The following RAB37 variants were observed in gnomAD, a reference collection of about 807,000 sequenced individuals.
The protein encoded by RAB37 is ras-related protein Rab-37.
In RAB37, 29 loss-of-function variants were observed where a neutral mutation model predicts 33.1. The observed-to-expected ratio is 0.88, with a 90% CI of 0.65 to 1.20. RAB37 has a LOEUF of 1.20. RAB37 is among the 50% of genes most tolerant of loss of function. The pLI is 0.00. For synonymous variants in RAB37, 128 were observed against 119.5 expected (o/e 1.07, Z -0.47); for missense variants, 299 against 301.1 (o/e 0.99, Z 0.05).
chr17:74,675,263 C>A (rs767685273), intron 1 of RAB37, among the ~76,000 whole-genome samples: 1 of 151,868 alleles, frequency 6.6e-6, no homozygotes, highest in Non-Finnish European at 1.5e-5. Flanking sequence ...GGTGAAACCC[C>A]ATTTCTACTA....
At chr17:74,707,491 G>C (rs2033612275) in intron 1 of RAB37, among the ~76,000 whole-genome samples, 1 of 152,192 alleles carries the variant, frequency 6.6e-6, no homozygotes, top group Admixed American at 6.5e-5. Flanking sequence ...ACATTGGGTG[G>C]ATCATCTGAA....
At chr17:74,715,647 C>G (rs1006899384) in intron 1 of RAB37, among the ~76,000 whole-genome samples, 1 of 152,212 alleles carries the variant, frequency 6.6e-6, no homozygotes, top group African/African-American at 2.4e-5. Context: ...ACAGCACTGT[C>G]TGTTAGAACT....
chr17:74,728,728 A>G (rs994627080), intron 1 of RAB37, among the ~76,000 whole-genome samples: 6 of 148,736 alleles, frequency 4.0e-5, no homozygotes, highest in Non-Finnish European at 8.9e-5. Context: ...CTGTGCATAT[A>G]TGTGTACATG....
chr17:74,728,617 G>T (rs1248580268), intron 1 of RAB37, among the ~76,000 whole-genome samples: 1 of 151,364 alleles, frequency 6.6e-6, no homozygotes, highest in Non-Finnish European at 1.5e-5. Context: ...TTATGTGTGT[G>T]TGCCTCTGTA....
chr17:74,696,119 C>A (rs377688088), intron 1 of RAB37: 66 of 1,536,204 alleles, frequency 4.3e-5, no homozygotes, highest in Non-Finnish European at 5.5e-5. Flanking sequence ...TATTTTGGAC[C>A]TTCTGAGAGA....
chr17:74,729,510 G>T lies in RAB37; in HGVS notation c.183+144G>T, dbSNP rs2034358598. 1.6e-5 allele frequency: 11 copies of T among 688,002 alleles called. No homozygotes were observed. The South Asian group carries it at 1.8e-4, about 11-fold the overall frequency. 42.6% of individuals were successfully genotyped at this position (688,002 alleles called of 1,614,324 possible). A position where few individuals can be genotyped will look rare whatever the true frequency, so the allele number is the denominator to read the frequency against. On this transcript the variant is annotated intron_variant, in intron 2 of 7. Transcript: ENST00000340415. The surrounding 1 kb of genome is among the most constrained non-coding windows in gnomAD (Gnocchi z 4.2). Reference sequence around the variant, plus strand: ...GAGAAGACTGTTCCCCAAGGTGTAGGAGGGTGTTGGGTGACCAGGAGGGAG... The same window carrying T: ...GAGAAGACTGTTCCCCAAGGTGTAGTAGGGTGTTGGGTGACCAGGAGGGAG...
intron 1 of RAB37, chr17:74,704,468 T>A (rs776117723): frequency 5.0e-6 from 8 of 1,594,324 alleles, no homozygotes; most frequent in Non-Finnish European, 2.6e-6. Flanking sequence ...ATATATACAC[T>A]CCCTCTTACC....
upstream of RAB37, chr17:74,736,751 C>T (rs542601768): frequency 3.9e-6 from 6 of 1,535,710 alleles, no homozygotes; most frequent in South Asian, 5.9e-5. Flanking sequence ...GGTTGGTAAA[C>T]AAAACTATAT....
intron 1 of RAB37, among the ~76,000 whole-genome samples, chr17:74,681,268 A>T (rs949824681): frequency 6.6e-6 from 1 of 152,202 alleles, no homozygotes; most frequent in Non-Finnish European, 1.5e-5. Flanking sequence ...GAGGCTGCCA[A>T]CTTCTGGCTC....
intron 1 of RAB37, chr17:74,703,075 T>C: frequency 6.2e-7 from 1 of 1,614,036 alleles, no homozygotes; most frequent in South Asian, 1.1e-5. Context: ...GGGGAGCTGC[T>C]AGTTTCTTCT....
At chr17:74,707,616 G>A (rs993099530) in intron 1 of RAB37, among the ~76,000 whole-genome samples, 1 of 151,980 alleles carries the variant, frequency 6.6e-6, no homozygotes, top group African/African-American at 2.4e-5. Flanking sequence ...TTGGGAGGCT[G>A]AGGTGGGAGA....
intron 1 of RAB37, among the ~76,000 whole-genome samples, chr17:74,699,361 G>A (rs554763909): frequency 2.6e-5 from 4 of 152,244 alleles, no homozygotes; most frequent in South Asian, 2.1e-4. Context: ...GTTGAATAGC[G>A]TCCTCTTCCC....
upstream of RAB37, among the ~76,000 whole-genome samples, chr17:74,734,803 C>T (rs1174387597): frequency 6.6e-6 from 1 of 150,974 alleles, no homozygotes; most frequent in Non-Finnish European, 1.5e-5. Flanking sequence ...GAGCCAAGAT[C>T]GTGCCACTTA....
At chr17:74,727,113 T>C (rs1390997438) in intron 1 of RAB37, among the ~76,000 whole-genome samples, 7 of 152,232 alleles carry the variant, frequency 4.6e-5, no homozygotes, top group African/African-American at 1.7e-4. Context: ...TCCCCCTCTT[T>C]TCCCAGAATC....
chr17:74,716,860 G>A (rs900127751), intron 1 of RAB37, among the ~76,000 whole-genome samples: 2 of 152,226 alleles, frequency 1.3e-5, no homozygotes, highest in African/African-American at 4.8e-5. Flanking sequence ...CTGGCCGGGT[G>A]CAGTGGCTCA....
intron 1 of RAB37, among the ~76,000 whole-genome samples, chr17:74,684,507 A>T (rs1461222431): frequency 6.6e-6 from 1 of 152,004 alleles, no homozygotes; most frequent in African/African-American, 2.4e-5. Flanking sequence ...ATAAAAATGG[A>T]CTGCGCACGG....
rs770507152 is a variant in RAB37 at position 74,743,153 on chromosome 17, C to G, written c.271C>G (p.Arg91Gly). The part of the protein sequence containing the change: ...LQIWDTAGQE[R>G]FRSVTHAYYR... ...GATCTGGGACACCGCTGGGCAGGAA[C>G]GGTTCCGAAGCGTCACCCATGCTTA... The change falls in exon 4 of 9, where the codon CGG becomes GGG. Residue 91 changes from arginine (R) to glycine (G), a missense_variant. Physicochemically the swap from Arg to Gly is moderately radical, Grantham distance 125 (BLOSUM62 -2). Transcript: ENST00000392613. 1 of 1,613,674 alleles carries G rather than the reference C, an allele frequency of 6.2e-7. No homozygotes were observed. The highest frequency in any genetic ancestry group is 1.7e-5 in the Admixed American group (1 of 60,014).
At chr17:74,737,191 G>A (rs2034494918), upstream of RAB37, 1 of 1,534,038 alleles carries the variant, frequency 6.5e-7, no homozygotes, top group Admixed American at 2.0e-5. Flanking sequence ...AGGGAGGGGA[G>A]GAGTGGGCGG....
chr17:74,711,906 CTTT>C (rs71361629), intron 1 of RAB37, among the ~76,000 whole-genome samples: 4 of 123,670 alleles, frequency 3.2e-5, no homozygotes, highest in South Asian at 2.6e-4. Context: ...TTTCTTTTTT[CTTT>C]TTTTTTTTTT....
Sources: gnomAD v4.1 joint callset for allele counts (sites outside exome capture counted in the v4.1 genomes callset) on GRCh38, gnomAD v4.1.1 for gene constraint, Gnocchi (gnomAD v3.1) non-coding constraint, MANE v1.5 for transcripts, NCBI Gene and HGNC (gene_info 2026-07-23, HGNC 2026-07-21) for gene names.